KCNIP4: variants seen among roughly 807,000 people sequenced by gnomAD.
KCNIP4 encodes Kv channel-interacting protein 4.
A neutral mutation model predicts 34.0 loss-of-function variants in KCNIP4; 12 were observed. The observed-to-expected ratio is 0.35, with a 90% CI of 0.23 to 0.57. The LOEUF is 0.57. Among genes scored for constraint, KCNIP4 ranks in the 20% least tolerant of loss-of-function variants. The pLI is 0.83. For missense variants in KCNIP4, 238 were observed against 311.7 expected, an observed-to-expected ratio of 0.76 and a Z score of 1.78; for synonymous variants, 124 against 102.2, an observed-to-expected ratio of 1.21 and a Z score of -1.29.
At chr4:21,085,069 C>A (rs1746299402) in intron 1 of KCNIP4, among the ~76,000 whole-genome samples, 1 of 152,018 alleles carries the variant, frequency 6.6e-6, no homozygotes, top group Admixed American at 6.6e-5. Flanking sequence ...TGTATGGACT[C>A]AATGTTTGTG....
intron 1 of KCNIP4, among the ~76,000 whole-genome samples, chr4:20,919,401 C>T (rs1729157147): frequency 2.3e-5 from 2 of 88,540 alleles, no homozygotes; most frequent in East Asian, 4.2e-4. Flanking sequence ...CTCATTTTTT[C>T]CACATTAAAA....
intron 1 of KCNIP4, among the ~76,000 whole-genome samples, chr4:21,594,983 C>T (rs1017715267): frequency 4.6e-5 from 7 of 152,096 alleles, no homozygotes; most frequent in Admixed American, 2.6e-4. Flanking sequence ...ATTTATTATA[C>T]TTTTTATACT....
chr4:20,868,008 T>TA (rs201431857), intron 2 of KCNIP4, among the ~76,000 whole-genome samples: 1,884 of 119,462 alleles, frequency 0.016, 48 homozygotes, highest in African/African-American at 0.066. Context: ...CCCTAAAACT[T>TA]AAAGTATAAT....
In KCNIP4 at chr4:21,642,620, C is replaced by T. The variant is rs1327372580; in HGVS notation, c.61+305951G>A. 3.3e-5 allele frequency among the ~76,000 whole-genome samples: 5 copies of T among 152,076 alleles called. No homozygotes were observed. In the East Asian group the frequency reaches 9.7e-4, roughly 29 times the overall value. On this transcript the variant is annotated intron_variant, in intron 1 of 8. Transcript: ENST00000382152. Reference sequence around the variant, plus strand: ...ACAATTTTGCTTCCTGCTCCCATGACCTTACGCTCTGCTTGTTCAGAAGTC... The same window carrying T: ...ACAATTTTGCTTCCTGCTCCCATGATCTTACGCTCTGCTTGTTCAGAAGTC...
At chr4:21,805,872 A>G (rs1021143582) in intron 1 of KCNIP4, among the ~76,000 whole-genome samples, 2 of 152,186 alleles carry the variant, frequency 1.3e-5, no homozygotes, top group African/African-American at 4.8e-5. Flanking sequence ...AGGGCATGAT[A>G]CAGGTGTGGC....
chr4:20,779,778 T>A (rs1293186785), intron 3 of KCNIP4, among the ~76,000 whole-genome samples: 2 of 151,838 alleles, frequency 1.3e-5, no homozygotes. Flanking sequence ...CAGAGAGACA[T>A]TTGAAGATGT....
At chr4:21,783,010 C>A (rs1719667371) in intron 1 of KCNIP4, among the ~76,000 whole-genome samples, 1 of 151,878 alleles carries the variant, frequency 6.6e-6, no homozygotes, top group African/African-American at 2.4e-5. Flanking sequence ...ATGAGGGATG[C>A]TGAAAAGGAG....
chr4:21,316,145 C>T (rs1181521628), intron 1 of KCNIP4: 1 of 152,156 alleles, frequency 6.6e-6, no homozygotes, highest in Non-Finnish European at 1.5e-5. Context: ...AGATTAACCC[C>T]TTCTTCTTTC....
chr4:20,738,175 T>C (rs1185097290), intron 5 of KCNIP4, among the ~76,000 whole-genome samples: 1 of 151,854 alleles, frequency 6.6e-6, no homozygotes, highest in Non-Finnish European at 1.5e-5. Context: ...GCATAAAATA[T>C]ACATTGCAGA....
intron 1 of KCNIP4, among the ~76,000 whole-genome samples, chr4:21,148,408 G>C (rs1426833416): frequency 6.6e-6 from 1 of 152,058 alleles, no homozygotes; most frequent in Admixed American, 6.6e-5. Flanking sequence ...AACCATATTT[G>C]GGTGACTAAA....
intron 1 of KCNIP4, among the ~76,000 whole-genome samples, chr4:21,061,613 C>T (rs1243604119): frequency 6.6e-6 from 1 of 152,014 alleles, no homozygotes; most frequent in Admixed American, 6.6e-5. Flanking sequence ...CCCTGCCTAC[C>T]TCTAAATTAT....
chr4:21,832,584 ATTT>A (rs5856672), intron 1 of KCNIP4, among the ~76,000 whole-genome samples: 49,570 of 150,464 alleles, frequency 0.33, 10,221 homozygotes, highest in Non-Finnish European at 0.48. Flanking sequence ...TATTTTTTTT[ATTT>A]TTTTTTTTAT....
At chr4:21,773,734 T>G (rs1718964507) in intron 1 of KCNIP4, among the ~76,000 whole-genome samples, 1 of 64,330 alleles carries the variant, frequency 1.6e-5, no homozygotes, top group Non-Finnish European at 2.5e-5. Context: ...CAACCCCTGT[T>G]TTTTTTTGTT....
chr4:21,433,325 G>C (rs965928458), intron 1 of KCNIP4, among the ~76,000 whole-genome samples: 1 of 152,120 alleles, frequency 6.6e-6, no homozygotes, highest in African/African-American at 2.4e-5. Context: ...TATGGGGCTG[G>C]GTGCAGTGGC....
At chr4:20,852,765 G>T (rs1384125650) in intron 2 of KCNIP4, among the ~76,000 whole-genome samples, 1 of 152,152 alleles carries the variant, frequency 6.6e-6, no homozygotes, top group African/African-American at 2.4e-5. Flanking sequence ...ACTGATAAAA[G>T]AATTCAGTGA....
intron 1 of KCNIP4, among the ~76,000 whole-genome samples, chr4:21,061,900 C>T (rs767393394): frequency 5.9e-5 from 9 of 152,156 alleles, no homozygotes. Context: ...AAAAACAACA[C>T]ATACAGAGGG....
chr4:21,615,851 C>T (rs1046350114), intron 1 of KCNIP4, among the ~76,000 whole-genome samples: 4 of 152,200 alleles, frequency 2.6e-5, no homozygotes, highest in African/African-American at 9.6e-5. Context: ...TATAATGCAA[C>T]CATTCTGCAA....
intron 1 of KCNIP4, among the ~76,000 whole-genome samples, chr4:21,582,725 A>G (rs114343935): frequency 2.4e-3 from 369 of 152,072 alleles, no homozygotes; most frequent in African/African-American, 8.4e-3. Context: ...ACACAAATCC[A>G]TGAATCCAAC....
At chr4:21,391,679 T>C (rs1722574320) in intron 1 of KCNIP4, among the ~76,000 whole-genome samples, 2 of 152,162 alleles carry the variant, frequency 1.3e-5, no homozygotes, top group Non-Finnish European at 2.9e-5. Flanking sequence ...AGTTTCCCAG[T>C]GTCCTACAGG....
Sources: allele counts gnomAD v4.1 joint callset (sites outside exome capture counted in the v4.1 genomes callset), GRCh38; gene constraint gnomAD v4.1.1; transcripts MANE v1.5; gene names NCBI Gene and HGNC (gene_info 2026-07-23, HGNC 2026-07-21).